CYP2D6: variants seen among roughly 807,000 people sequenced by gnomAD.
CYP2D6 encodes cytochrome P450 family 2 subfamily D member 6 (gene/pseudogene), also known as cytochrome P450 2D6.
Under a neutral mutation model 43.5 loss-of-function variants are expected in CYP2D6, and 51 were observed. The ratio of observed to expected loss-of-function variants is 1.17; its 90% CI spans 0.94 to 1.48. CYP2D6 has a LOEUF of 1.48. Ranked by LOEUF, CYP2D6 falls within the 40% of genes most tolerant of loss-of-function variation. CYP2D6 has a pLI of 0.00. For synonymous variants in CYP2D6, 346 were observed against 297.1 expected (o/e 1.16, Z -1.69); for missense variants, 698 against 688.0 (o/e 1.01, Z -0.16).
In CYP2D6 at chr22:42,130,687, T is replaced by G; in HGVS notation, c.105A>C (p.Pro35=). 3 of 1,607,720 alleles carry G rather than the reference T, an allele frequency of 1.9e-6. 1 individual carries two copies. The South Asian group carries it at 3.3e-5, about 18-fold the overall frequency. Reference sequence around the variant, plus strand: ...CCAGCCCGGGCAGTGGCAGGGGGCCTGGTGGGTAGCGTGCAGCCCAGCGTT... The same window carrying G: ...CCAGCCCGGGCAGTGGCAGGGGGCCGGGTGGGTAGCGTGCAGCCCAGCGTT... ...RRQRWAARYP[P]GPLPLPGLGN... Residue 35 remains proline, a synonymous_variant, in exon 1 of 9, where the codon CCA becomes CCC. Transcript: ENST00000645361.
chr22:42,129,369 G>A lies in CYP2D6; in HGVS notation c.353-184C>T, dbSNP rs762079704. The A allele has an allele frequency of 5.5e-6, 5 of 915,302 alleles. No homozygotes were observed. The South Asian group carries it at 7.0e-5, about 13-fold the overall frequency. The allele number at this position is 915,302 out of a possible 1,614,324, so 56.7% of individuals were successfully genotyped here. A position where few individuals can be genotyped will look rare whatever the true frequency, so the allele number is the denominator to read the frequency against. On this transcript the variant is annotated intron_variant, in intron 2 of 8. Coordinates refer to ENST00000645361, the MANE Select transcript of CYP2D6 (RefSeq NM_000106.6). Reference sequence around the variant, plus strand: ...CTGGGGCAGGGCTTTGCCCCACCTCGTCTCTGCCCACCCTGACCGCCTTTG... The same window carrying A: ...CTGGGGCAGGGCTTTGCCCCACCTCATCTCTGCCCACCCTGACCGCCTTTG...
In CYP2D6 at chr22:42,126,723, C is replaced by T; in HGVS notation, c.1345G>A (p.Ala449Thr). Residue 449 changes from alanine (A) to threonine (T), a missense_variant, in exon 9 of 9, where the codon GCC (alanine) becomes ACC (threonine). Transcript: ENST00000645361. ...AAGAAGAGGAAGAGCTCCATGCGGG[C>T]CAGGGGCTCCCCGAGGCATGCACGG... The part of the protein sequence containing the change: ...GRRACLGEPL[A>T]RMELFLFFTS... 6 of 1,564,796 alleles carry T rather than the reference C, an allele frequency of 3.8e-6. No homozygotes were observed. The highest frequency in any genetic ancestry group is 5.2e-6 in the Non-Finnish European group (6 of 1,155,590).
At chr22:42,128,442 G>A in intron 4 of CYP2D6, 92 bp from the exon 5 acceptor site, 2 of 1,447,906 alleles carry the variant, frequency 1.4e-6, no homozygotes, top group Non-Finnish European at 1.9e-6. Flanking sequence ...GTAGACCCAG[G>A]GCCTGCCTGT....
rs1450231864 is a variant in CYP2D6, at chr22:42,127,580, A to T, written c.1040T>A (p.Met347Lys). The change falls in exon 7 of 9, where the codon ATG becomes AAG. Residue 347 changes from methionine (M) to lysine (K), a missense_variant. By Grantham distance (95) the Met-to-Lys change is moderately conservative. Around this residue, in one of 5 missense-constraint regions of CYP2D6, gnomAD observed 588 missense variants for 521.1 expected, o/e 1.13. Transcript: ENST00000645361. ...DVIGQVRRPE[M>K]GDQAHMPYTT... ...GTAGGGCATGTGAGCCTGGTCACCC[A>T]TCTCTGGTCGCCGCACCTGCCCTAT... is the stretch of plus-strand genomic sequence containing the variant. 1.9e-6 allele frequency: 3 copies of T among 1,612,098 alleles called. No homozygotes were observed. Among genetic ancestry groups the T allele is most frequent in the Non-Finnish European group, 2.5e-6 (3 of 1,178,754 alleles).
intron 1 of CYP2D6, 27 bp from the exon 2 acceptor site, chr22:42,129,936 G>T (rs1364016802): frequency 2.0e-6 from 3 of 1,524,062 alleles, no homozygotes; most frequent in Middle Eastern, 2.2e-4. Flanking sequence ...AGGGCCTCTT[G>T]TCAAGCCAGG....
chr22:42,130,517 T>A, intron 1 of CYP2D6, 95 bp downstream of exon 1: 1 of 1,260,566 alleles, frequency 7.9e-7, no homozygotes, highest in Non-Finnish European at 1.1e-6. Context: ...TCAGCCTGGC[T>A]TCTGGTCCAG....
intron 2 of CYP2D6, 43 bp downstream of exon 2, chr22:42,129,695 C>T (rs778601541): frequency 3.1e-6 from 5 of 1,606,504 alleles, no homozygotes; most frequent in South Asian, 2.2e-5. Context: ...CATCACCCAC[C>T]CGGGTCCCAC....
In CYP2D6 at chr22:42,128,710, C is replaced by T. The variant is rs1241186780; in HGVS notation, c.666+74G>A. 4 of 1,521,470 alleles carry T rather than the reference C, an allele frequency of 2.6e-6. No individual in the cohort carries two copies. In the East Asian group the frequency reaches 7.1e-5, roughly 27 times the overall value. The allele number at this position is 1,521,470 out of a possible 1,614,324, so 94.2% of individuals were successfully genotyped here. On this transcript the variant is annotated intron_variant, in intron 4 of 8. Transcript: ENST00000645361. ...ACCCATCTATGCAAATCCTGCTCTT[C>T]CGAGGCCCCAGTCCAGCCCCGGCAC...
Position 42,126,753 on chromosome 22 carries a change from C to G in CYP2D6, c.1316-1G>C. ...GGCTCCCCGAGGCATGCACGGCGGCCTGTGGGGAGGGGAGGGGCGTCAGTG... is the reference window on the plus strand; with the variant it reads ...GGCTCCCCGAGGCATGCACGGCGGCGTGTGGGGAGGGGAGGGGCGTCAGTG... On this transcript the variant is annotated splice_acceptor_variant, in intron 8 of 8. Transcript: ENST00000645361. LOFTEE classifies it high-confidence loss of function. The G allele has an allele frequency of 1.3e-6, 2 of 1,549,262 alleles. No homozygotes were observed. Among genetic ancestry groups the G allele is most frequent in the South Asian group, 2.4e-5 (2 of 83,988 alleles).
At chr22:42,127,778 T>G in intron 6 of CYP2D6, 64 bp downstream of exon 6, 8 of 1,596,798 alleles carry the variant, frequency 5.0e-6, no homozygotes, top group Non-Finnish European at 6.9e-6. Flanking sequence ...CCCAGCAAAG[T>G]TCATGGGCCC....
chr22:42,126,506 TACC>T lies in CYP2D6; in HGVS notation c.*65_*67del, dbSNP rs1287881057. 1.3e-6 allele frequency: 2 copies of T among 1,491,876 alleles called. No homozygotes were observed. The highest frequency in any genetic ancestry group is 9.0e-7 in the Non-Finnish European group (1 of 1,111,564). 92.4% of individuals were successfully genotyped at this position (1,491,876 alleles called of 1,614,324 possible). On this transcript the variant is annotated 3_prime_UTR_variant, in exon 9 of 9. Coordinates refer to ENST00000645361, the MANE Select transcript of CYP2D6 (RefSeq NM_000106.6). ...GTGAGCAGGGGACCCGAGTTGGAAC[TACC>T]ACATTGCTTTATTGTACATTAGAGC...
intron 4 of CYP2D6, 122 bp from the exon 5 acceptor site, chr22:42,128,472 A>G (rs1818001373): frequency 2.5e-6 from 3 of 1,181,366 alleles, no homozygotes; most frequent in Admixed American, 3.8e-5. Flanking sequence ...TGACCTCACC[A>G]AGTCCCTCCC....
At chr22:42,128,533 C>G (rs1273664698) in intron 4 of CYP2D6, among the ~76,000 whole-genome samples, 183 bp from the exon 5 acceptor site, 1 of 150,730 alleles carries the variant, frequency 6.6e-6, no homozygotes, top group African/African-American at 2.5e-5. Flanking sequence ...AACCTAAAAT[C>G]GAAATCTCTG....
In CYP2D6 at chr22:42,128,007, C is replaced by T. The variant is rs776619832; in HGVS notation, c.844-24G>A. 4.0e-5 allele frequency: 64 copies of T among 1,611,100 alleles called. 1 individual carries two copies. In the South Asian group the frequency reaches 4.8e-4, roughly 12 times the overall value. On this transcript the variant is annotated intron_variant, in intron 5 of 8. Coordinates refer to ENST00000645361, the MANE Select transcript of CYP2D6 (RefSeq NM_000106.6). Reference sequence around the variant, plus strand: ...GCCTGAGCAGGGCCGAGAGCATACTCGGGACAGAACGGGGTAGCCCCCAAA... The same window carrying T: ...GCCTGAGCAGGGCCGAGAGCATACTTGGGACAGAACGGGGTAGCCCCCAAA...
At chr22:42,128,486 G>A (rs1931360586) in intron 4 of CYP2D6, 136 bp from the exon 5 acceptor site, 3 of 1,069,668 alleles carry the variant, frequency 2.8e-6, no homozygotes, top group South Asian at 2.7e-5. Flanking sequence ...CCCTCCCCAA[G>A]TGCCAGCCTC....
rs1399750031 is a variant in CYP2D6, at chr22:42,130,617, C to T, written c.175G>A (p.Asp59Asn). ...VDFQNTPYCFDQLRRRFGDVF... is the reference protein window; with the variant it reads ...VDFQNTPYCFNQLRRRFGDVF... ...TCCAGGACCTCCTCCCTCACCTGGT[C>T]GAAGCAGTATGGTGTGTTCTGGAAG... The change falls in exon 1 of 9, where the codon GAC (aspartate) becomes AAC (asparagine). Residue 59 changes from aspartate (D) to asparagine (N), a missense_variant. Asp to Asn is a conservative substitution (Grantham distance 23). This residue lies in a region of CYP2D6 where 588 missense variants were observed against 521.1 expected (regional missense o/e 1.13). Transcript: ENST00000645361. 6 of 1,601,290 alleles carry T rather than the reference C, an allele frequency of 3.7e-6. No individual in the cohort carries two copies. Among genetic ancestry groups the T allele is most frequent in the South Asian group, 2.2e-5 (2 of 89,468 alleles).
In CYP2D6 at chr22:42,126,574, C is replaced by T; in HGVS notation, c.1494G>A (p.Ter498=). The T allele has an allele frequency of 6.4e-7, 1 of 1,573,976 alleles. No homozygotes were observed. Among genetic ancestry groups the T allele is most frequent in the Non-Finnish European group, 8.6e-7 (1 of 1,159,088 alleles). Residue 498 remains the stop codon, a stop_retained_variant, in exon 9 of 9, where the codon TAG becomes TAA. Coordinates refer to ENST00000645361, the MANE Select transcript of CYP2D6 (RefSeq NM_000106.6). ...SPYELCAVPR[*] is the part of the protein sequence containing the mutation. The stretch of plus-strand genomic sequence containing the variant: ...CAGGCTGGGGACTAGGTACCCCATT[C>T]TAGCGGGGCACAGCACAAAGCTCAT...
rs141756339 is a variant in CYP2D6, at chr22:42,126,647, C to G, written c.1421G>C (p.Arg474Pro). 4 of 1,609,274 alleles carry G rather than the reference C, an allele frequency of 2.5e-6. 1 individual carries two copies. Among genetic ancestry groups the G allele is most frequent in the Admixed American group, 3.4e-5 (2 of 59,612 alleles). ...FSFSVPTGQP[R>P]PSHHGVFAFL... ...AGCAAAGACACCATGGTGGCTGGGC[C>G]GGGGCTGTCCAGTGGGCACCGAGAA... is the stretch of plus-strand genomic sequence containing the variant. The change falls in exon 9 of 9, where the codon CGG becomes CCG. Residue 474 changes from arginine (R) to proline (P), a missense_variant. Coordinates refer to ENST00000645361, the MANE Select transcript of CYP2D6 (RefSeq NM_000106.6).
At chr22:42,127,098 C>T in intron 7 of CYP2D6, 106 bp from the exon 8 acceptor site, 3 of 1,376,738 alleles carry the variant, frequency 2.2e-6, no homozygotes, top group Non-Finnish European at 3.0e-6. Context: ...CAGCTGGACT[C>T]TGTCAACTAG....
Sources: gnomAD v4.1 joint callset for allele counts (sites outside exome capture counted in the v4.1 genomes callset) on GRCh38, gnomAD v4.1.1 for gene constraint, gnomAD v4.1.1 regional missense constraint, MANE v1.5 for transcripts, NCBI Gene and HGNC (gene_info 2026-07-23, HGNC 2026-07-21) for gene names.